The following RAB7A variants were observed in gnomAD, a reference collection of about 807,000 sequenced individuals.
RAB7A encodes the protein ras-related protein Rab-7a.
RAB7A carries 2 observed loss-of-function variants against 24.5 expected under a neutral mutation model. The ratio of observed to expected loss-of-function variants is 0.08; its 90% CI spans 0.03 to 0.26. The LOEUF is 0.26. RAB7A is among the 10% of genes least tolerant of loss of function. The pLI, the probability that RAB7A is intolerant of heterozygous loss-of-function variation, is 1.00. For synonymous variants in RAB7A, 100 were observed against 95.9 expected, an observed-to-expected ratio of 1.04 and a Z score of -0.25; for missense variants, 118 against 255.7, an observed-to-expected ratio of 0.46 and a Z score of 3.67.
chr3:128,773,779 A>C (rs1933013218), intron 1 of RAB7A, among the ~76,000 whole-genome samples: 1 of 152,112 alleles, frequency 6.6e-6, no homozygotes, highest in South Asian at 2.1e-4. Context: ...CTATGACCTT[A>C]CCTCCAACCA....
At position 128,787,718 on chromosome 3, in the gene RAB7A, G is replaced by A. The variant is rs373050250; in HGVS notation, c.-8-7642G>A. ...ACTATTCTTAAGTTTCTTTTTGTTTGTCTGCTTTTTGAGACAGAGGGTTGT... is the reference window on the plus strand; with the variant it reads ...ACTATTCTTAAGTTTCTTTTTGTTTATCTGCTTTTTGAGACAGAGGGTTGT... On this transcript the variant is annotated intron_variant, in intron 1 of 5. Coordinates refer to ENST00000265062, the MANE Select transcript of RAB7A (RefSeq NM_004637.6). 1.3e-4 allele frequency among the ~76,000 whole-genome samples: 20 copies of A among 152,284 alleles called. No homozygotes were observed. In the South Asian group the frequency reaches 4.1e-3, roughly 32 times the overall value.
intron 1 of RAB7A, among the ~76,000 whole-genome samples, chr3:128,786,511 G>A (rs1933345274): frequency 6.6e-6 from 1 of 152,132 alleles, no homozygotes; most frequent in Non-Finnish European, 1.5e-5. Context: ...CTTCTCTAAT[G>A]GTCATATACA....
At chr3:128,774,117 T>C (rs767366165) in intron 1 of RAB7A, among the ~76,000 whole-genome samples, 9 of 140,940 alleles carry the variant, frequency 6.4e-5, no homozygotes, top group Non-Finnish European at 1.1e-4. Context: ...TTTTTAAATA[T>C]AAGGTAATCT....
chr3:128,784,825 TATG>T (rs1933302629), intron 1 of RAB7A, among the ~76,000 whole-genome samples: 1 of 152,222 alleles, frequency 6.6e-6, no homozygotes, highest in Non-Finnish European at 1.5e-5. Context: ...TTGCATTTGG[TATG>T]ATTTCTCCTT....
intron 1 of RAB7A, among the ~76,000 whole-genome samples, chr3:128,780,044 A>T (rs1399260104): frequency 1.3e-5 from 2 of 152,210 alleles, no homozygotes; most frequent in Non-Finnish European, 2.9e-5. Flanking sequence ...CTGTATTCTC[A>T]TGCTGATCAT....
intron 1 of RAB7A, among the ~76,000 whole-genome samples, chr3:128,740,252 G>A (rs993858627): frequency 7.6e-5 from 11 of 144,840 alleles, no homozygotes; most frequent in Non-Finnish European, 1.4e-4. Context: ...GTGGTGGCGT[G>A]CACTTGTAAT....
Position 128,771,813 on chromosome 3 carries a change from G to T in RAB7A, c.-8-23547G>T, listed in dbSNP as rs1052529015. The stretch of plus-strand genomic sequence containing the variant: ...TTGTTCTTGTATGTGAATAAGGAGC[G>T]TATCTGAATGCCTTGGCTTCAGCCC... On this transcript the variant is annotated intron_variant, in intron 1 of 5. Transcript: ENST00000265062. 6.6e-5 allele frequency among the ~76,000 whole-genome samples: 10 copies of T among 152,252 alleles called. No individual in the cohort carries two copies. The South Asian group carries it at 2.1e-3, about 32-fold the overall frequency.
At chr3:128,771,488 A>T (rs1932935157) in intron 1 of RAB7A, among the ~76,000 whole-genome samples, 2 of 152,350 alleles carry the variant, frequency 1.3e-5, no homozygotes, top group Admixed American at 1.3e-4. Context: ...GTGGTGAGAT[A>T]TTATGCTTAA....
At chr3:128,741,890 C>T (rs1033875484) in intron 1 of RAB7A, among the ~76,000 whole-genome samples, 13 of 151,902 alleles carry the variant, frequency 8.6e-5, no homozygotes, top group Admixed American at 5.9e-4. Flanking sequence ...CATGACTCAT[C>T]GACTCATTGC....
At chr3:128,766,774 A>G (rs958765461) in intron 1 of RAB7A, among the ~76,000 whole-genome samples, 1 of 152,074 alleles carries the variant, frequency 6.6e-6, no homozygotes, top group African/African-American at 2.4e-5. Flanking sequence ...TCCTGAACTC[A>G]AGCAATCCAC....
intron 1 of RAB7A, among the ~76,000 whole-genome samples, chr3:128,731,979 T>A (rs2070442464): frequency 7.0e-6 from 1 of 142,952 alleles, no homozygotes; most frequent in Non-Finnish European, 1.5e-5. Context: ...CACTCCAGCC[T>A]GGCGACAGAG....
intron 3 of RAB7A, among the ~76,000 whole-genome samples, chr3:128,804,902 A>G (rs1363790009): frequency 6.6e-6 from 1 of 152,208 alleles, no homozygotes; most frequent in African/African-American, 2.4e-5. Flanking sequence ...GCAGCAGTAA[A>G]GTCCAGTGAA....
At chr3:128,748,836 A>AT (rs1266186449) in intron 1 of RAB7A, 1 of 152,190 alleles carries the variant, frequency 6.6e-6, no homozygotes, top group Non-Finnish European at 1.5e-5. Flanking sequence ...TTCCCGTAAC[A>AT]TATCTCGTCT....
At chr3:128,795,294 CA>C in intron 1 of RAB7A, 65 bp from the exon 2 acceptor site, 1 of 1,344,778 alleles carries the variant, frequency 7.4e-7, no homozygotes. Context: ...GACATTTGTG[CA>C]AGGGAGGTGT....
At chr3:128,731,821 C>A (rs965546878) in intron 1 of RAB7A, among the ~76,000 whole-genome samples, 1 of 151,900 alleles carries the variant, frequency 6.6e-6, no homozygotes, top group African/African-American at 2.4e-5. Context: ...TCCTGGCCAA[C>A]GTGGTGAAAC....
chr3:128,735,089 A>G (rs1279987208), intron 1 of RAB7A, among the ~76,000 whole-genome samples: 1 of 152,178 alleles, frequency 6.6e-6, no homozygotes. Context: ...TTTCTTCTCT[A>G]CTATAAGAAA....
At chr3:128,809,012 C>A (rs1933861790) in intron 5 of RAB7A, among the ~76,000 whole-genome samples, 1 of 152,136 alleles carries the variant, frequency 6.6e-6, no homozygotes, top group Non-Finnish European at 1.5e-5. Flanking sequence ...GACCAAGATG[C>A]AGACTTGGCC....
chr3:128,809,851 G>A (rs1933882228), intron 5 of RAB7A, among the ~76,000 whole-genome samples: 1 of 146,958 alleles, frequency 6.8e-6, no homozygotes, highest in Admixed American at 6.9e-5. Flanking sequence ...TCTCCAGTCT[G>A]TTCTGGTGAT....
At chr3:128,812,944 T>C (rs889118275) in intron 5 of RAB7A, among the ~76,000 whole-genome samples, 2 of 152,190 alleles carry the variant, frequency 1.3e-5, no homozygotes, top group African/African-American at 4.8e-5. Flanking sequence ...ATCCAGACCA[T>C]TGTTAACCAT....
Sources: gnomAD v4.1 joint callset for allele counts (sites outside exome capture counted in the v4.1 genomes callset) on GRCh38, gnomAD v4.1.1 for gene constraint, MANE v1.5 for transcripts, NCBI Gene and HGNC (gene_info 2026-07-23, HGNC 2026-07-21) for gene names.